The following KIAA1671 variants were observed in gnomAD, a reference collection of about 807,000 sequenced individuals.
KIAA1671 encodes the protein KIAA1671.
Under a neutral mutation model 131.2 loss-of-function variants are expected in KIAA1671, and 52 were observed. The ratio of observed to expected loss-of-function variants is 0.40; its 90% confidence interval spans 0.32 to 0.50. The LOEUF (loss-of-function observed/expected upper bound fraction) is 0.50, where lower values mean the gene tolerates loss of function less well. KIAA1671 is among the 20% of genes least tolerant of loss of function. The probability of loss-of-function intolerance (pLI) is 0.73; values close to 1 mark genes in which losing one functional copy is unlikely to be tolerated. For missense variants in KIAA1671, 2,360 were observed against 2,364.2 expected (o/e 1.00, Z 0.04); for synonymous variants, 1,003 against 961.6 (o/e 1.04, Z -0.80).
chr22:25,113,177 C>T (rs574859717), intron 6 of KIAA1671, among the ~76,000 whole-genome samples: 3 of 152,246 alleles, frequency 2.0e-5, no homozygotes, highest in East Asian at 1.9e-4. Flanking sequence ...GCCCAGAAAG[C>T]GAAAGTGCCT....
intron 5 of KIAA1671, among the ~76,000 whole-genome samples, chr22:25,041,749 A>G (rs1029143785): frequency 6.6e-6 from 1 of 150,632 alleles, no homozygotes; most frequent in Admixed American, 6.6e-5. Context: ...TTGTTTGTTT[A>G]TTTGTTTGTT....
At chr22:25,080,965 G>A (rs1283720309) in intron 6 of KIAA1671, among the ~76,000 whole-genome samples, 2 of 152,152 alleles carry the variant, frequency 1.3e-5, no homozygotes, top group African/African-American at 4.8e-5. Context: ...TCAGATGGAG[G>A]TCTTTGAGGC....
intron 6 of KIAA1671, among the ~76,000 whole-genome samples, chr22:25,067,571 C>T (rs1435338920): frequency 6.6e-6 from 1 of 152,050 alleles, no homozygotes; most frequent in African/African-American, 2.4e-5. Flanking sequence ...TGTCTCATGC[C>T]TTTCCTGCCT....
intron 1 of KIAA1671, among the ~76,000 whole-genome samples, chr22:24,997,923 A>T (rs1417910460): frequency 6.6e-6 from 1 of 152,172 alleles, no homozygotes; most frequent in Non-Finnish European, 1.5e-5. Flanking sequence ...AGCTCACTTC[A>T]TATAAATTTT....
intron 6 of KIAA1671, chr22:25,070,080 G>A (rs374846609): frequency 1.5e-4 from 50 of 333,182 alleles, no homozygotes; most frequent in African/African-American, 9.5e-4. Context: ...TGAGGGTCCA[G>A]GCAGCTGGGT....
rs796574872 is a variant in KIAA1671 at position 25,181,796 on chromosome 22, T to G, written c.5172T>G (p.Phe1724Leu). 6 of 1,551,552 alleles carry G rather than the reference T, an allele frequency of 3.9e-6. No homozygotes were observed. The Admixed American group carries it at 1.2e-4, about 30-fold the overall frequency. ...PVSHPQRMPA[F>L]PGMDPAVLKA... ...GCCATCCTCAGAGGATGCCTGCGTT[T>G]CCAGGCATGGATCCGGCAGTGCTAA... Residue 1724 changes from phenylalanine (F) to leucine (L), a missense_variant, in exon 10 of 13, where the codon TTT becomes TTG. Transcript: ENST00000358431.
chr22:25,176,921 A>T (rs555689502), intron 8 of KIAA1671: 65 of 156,328 alleles, frequency 4.2e-4, no homozygotes, highest in Non-Finnish European at 7.3e-4. Flanking sequence ...ACTCTGTGTG[A>T]ATACAGTTGA....
intron 6 of KIAA1671, among the ~76,000 whole-genome samples, chr22:25,079,843 G>A (rs1929312115): frequency 1.3e-5 from 2 of 152,146 alleles, no homozygotes; most frequent in African/African-American, 4.8e-5. Context: ...ACCCAGCTTG[G>A]CCTTTGAGTA....
intron 12 of KIAA1671, among the ~76,000 whole-genome samples, chr22:25,191,423 T>C (rs915202558): frequency 6.6e-6 from 1 of 152,202 alleles, no homozygotes; most frequent in Non-Finnish European, 1.5e-5. Context: ...CCCAAAGTGC[T>C]GGGATTATAG....
chr22:25,074,536 CAT>C (rs959733814), intron 6 of KIAA1671, among the ~76,000 whole-genome samples: 13 of 134,664 alleles, frequency 9.7e-5, no homozygotes, highest in African/African-American at 3.0e-4. Flanking sequence ...GAAATTGAGG[CAT>C]ATATATATGT....
At chr22:25,053,407 G>A (rs1051632803) in intron 6 of KIAA1671, 2 of 152,094 alleles carry the variant, frequency 1.3e-5, no homozygotes, top group African/African-American at 2.4e-5. Flanking sequence ...CTGTGACCTC[G>A]AGTCACAGTT....
At chr22:25,079,490 C>T (rs1929286012) in intron 6 of KIAA1671, among the ~76,000 whole-genome samples, 1 of 152,068 alleles carries the variant, frequency 6.6e-6, no homozygotes, top group Non-Finnish European at 1.5e-5. Context: ...CAGAAGGAAC[C>T]AGGTAAGAAG....
intron 11 of KIAA1671, among the ~76,000 whole-genome samples, chr22:25,187,708 G>A (rs985126472): frequency 1.3e-5 from 2 of 151,976 alleles, no homozygotes; most frequent in Non-Finnish European, 2.9e-5. Context: ...ACAAGATTTC[G>A]CCATGTTGCC....
At chr22:24,985,600 A>T (rs1307787470) in intron 1 of KIAA1671, among the ~76,000 whole-genome samples, 2 of 151,936 alleles carry the variant, frequency 1.3e-5, no homozygotes, top group Non-Finnish European at 2.9e-5. Flanking sequence ...CGGCCTCCCA[A>T]AGTGCTGGGA....
chr22:25,032,714 A>T lies in KIAA1671; in HGVS notation c.1629+18A>T. ...GAGAAAAGGTAAGGAGTGGCTGTGT[A>T]GCACGTCTCTCATTAACCAGCGGGC... On this transcript the variant is annotated intron_variant, in intron 4 of 12. Coordinates refer to ENST00000358431, the MANE Select transcript of KIAA1671 (RefSeq NM_001145206.2). The T allele has an allele frequency of 6.7e-7, 1 of 1,493,266 alleles. No individual in the cohort carries two copies. Among genetic ancestry groups the T allele is most frequent in the Non-Finnish European group, 9.1e-7 (1 of 1,097,832 alleles). The allele number at this position is 1,493,266 out of a possible 1,614,324, so 92.5% of individuals were successfully genotyped here.
chr22:25,093,756 C>CTCTCTG lies in KIAA1671; in HGVS notation c.4530+44397_4530+44398insGTCTCT. 1.9e-5 allele frequency among the ~76,000 whole-genome samples: 2 copies of CTCTCTG among 102,886 alleles called. 1 individual carries two copies. Among genetic ancestry groups the CTCTCTG allele is most frequent in the African/African-American group, 1.0e-4 (2 of 19,656 alleles). 67.5% of individuals were successfully genotyped at this position (102,886 alleles called of 152,430 possible). A position where few individuals can be genotyped will look rare whatever the true frequency, so the allele number is the denominator to read the frequency against. On this transcript the variant is annotated intron_variant, in intron 6 of 12. Transcript: ENST00000358431. ...ACACACACTCTCTCTCTCTCTCTCT[C>CTCTCTG]TCTCTCTCTCTGTCTCTCTCTCTCT...
intron 6 of KIAA1671, among the ~76,000 whole-genome samples, chr22:25,083,962 C>A (rs573116888): frequency 1.3e-5 from 2 of 152,248 alleles, no homozygotes; most frequent in Admixed American, 1.3e-4. Context: ...CAGTGAAAGC[C>A]GCCTTTGTCC....
intron 6 of KIAA1671, among the ~76,000 whole-genome samples, chr22:25,149,991 C>G (rs543409592): frequency 6.6e-6 from 1 of 152,202 alleles, no homozygotes; most frequent in Non-Finnish European, 1.5e-5. Flanking sequence ...TTTGCGCTTC[C>G]CGTGCCTGGT....
Position 25,028,267 on chromosome 22 carries a change from G to A in KIAA1671, c.268G>A (p.Gly90Arg). 2 of 1,551,518 alleles carry A rather than the reference G, an allele frequency of 1.3e-6. No homozygotes were observed. Among genetic ancestry groups the A allele is most frequent in the Non-Finnish European group, 1.7e-6 (2 of 1,146,992 alleles). Reference protein sequence around the residue: ...PVPSLRPSSTGPSPSGGLSEE... With the variant: ...PVPSLRPSSTRPSPSGGLSEE... ...CCCGTCTCTGCGGCCCAGTTCGACT[G>A]GACCTTCCCCCTCTGGGGGGCTCTC... Residue 90 changes from glycine (G) to arginine (R), a missense_variant, in exon 3 of 13, where the codon GGA (glycine) becomes AGA (arginine). Coordinates refer to ENST00000358431, the MANE Select transcript of KIAA1671 (RefSeq NM_001145206.2).
Sources: allele counts gnomAD v4.1 joint callset (sites outside exome capture counted in the v4.1 genomes callset), GRCh38; gene constraint gnomAD v4.1.1; transcripts MANE v1.5; gene names NCBI Gene and HGNC (gene_info 2026-07-23, HGNC 2026-07-21).